The following TBC1D15 variants were observed in gnomAD, a reference collection of about 807,000 sequenced individuals.
TBC1D15 encodes TBC1 domain family member 15.
Under a neutral mutation model 95.4 loss-of-function variants are expected in TBC1D15, and 39 were observed. The observed-to-expected ratio is 0.41, with a 90% CI of 0.32 to 0.53. The LOEUF (loss-of-function observed/expected upper bound fraction) is 0.53, where lower values mean the gene tolerates loss of function less well. Among genes scored for constraint, TBC1D15 ranks in the 20% least tolerant of loss-of-function variants. The pLI, the probability that TBC1D15 is intolerant of heterozygous loss-of-function variation, is 0.29. For missense variants in TBC1D15, 733 were observed against 794.3 expected (o/e 0.92, Z 0.93); for synonymous variants, 258 against 261.3 (o/e 0.99, Z 0.12).
intron 1 of TBC1D15, among the ~76,000 whole-genome samples, chr12:71,843,912 C>A (rs1428515884): frequency 3.9e-5 from 6 of 152,186 alleles, no homozygotes; most frequent in African/African-American, 7.2e-5. Context: ...ATTGCCCTTA[C>A]AACCACCTGT....
At chr12:71,841,414 A>G (rs1421985511) in intron 1 of TBC1D15, among the ~76,000 whole-genome samples, 2 of 152,192 alleles carry the variant, frequency 1.3e-5, no homozygotes, top group East Asian at 1.9e-4. Context: ...ATCTATTGCC[A>G]TCACTCCACT....
intron 1 of TBC1D15, among the ~76,000 whole-genome samples, chr12:71,852,128 T>C (rs1481186455): frequency 6.6e-6 from 1 of 152,226 alleles, no homozygotes; most frequent in African/African-American, 2.4e-5. Context: ...ACCTGCAGGC[T>C]TAACATCATG....
At chr12:71,909,974 T>A (rs1015797398) in intron 11 of TBC1D15, among the ~76,000 whole-genome samples, 15 of 151,994 alleles carry the variant, frequency 9.9e-5, no homozygotes, top group Non-Finnish European at 4.4e-5. Flanking sequence ...ATAAAATAGC[T>A]TAGGGTTTTT....
At chr12:71,914,048 C>A (rs1339550684) in intron 12 of TBC1D15, 122 bp downstream of exon 12, 2 of 638,518 alleles carry the variant, frequency 3.1e-6, no homozygotes, top group Non-Finnish European at 5.1e-6. Flanking sequence ...TTACCTCATG[C>A]CTTTTGTTAC....
chr12:71,863,342 C>T (rs1440309106), intron 1 of TBC1D15, among the ~76,000 whole-genome samples: 2 of 152,048 alleles, frequency 1.3e-5, no homozygotes, highest in African/African-American at 2.4e-5. Flanking sequence ...TGTGCCACTG[C>T]ACTCCAGCCT....
chr12:71,840,959 AG>A (rs1443137162), intron 1 of TBC1D15: 1 of 152,092 alleles, frequency 6.6e-6, no homozygotes, highest in Non-Finnish European at 1.5e-5. Flanking sequence ...TGGAGTTGTT[AG>A]GGTTATATAA....
At chr12:71,855,346 G>A (rs1000106065) in intron 1 of TBC1D15, among the ~76,000 whole-genome samples, 2 of 152,014 alleles carry the variant, frequency 1.3e-5, no homozygotes, top group African/African-American at 2.4e-5. Flanking sequence ...GTAATTTTTA[G>A]CATTTTTGTT....
In TBC1D15 at chr12:71,907,114, T is replaced by A; in HGVS notation, c.1276T>A (p.Tyr426Asn). The A allele has an allele frequency of 6.2e-7, 1 of 1,602,774 alleles. No individual in the cohort carries two copies. Among genetic ancestry groups the A allele is most frequent in the Non-Finnish European group, 8.5e-7 (1 of 1,172,956 alleles). The change falls in exon 11 of 17, where the codon TAC (tyrosine) becomes AAC (asparagine). Residue 426 changes from tyrosine to asparagine, a missense_variant. Tyr to Asn is a moderately radical substitution (Grantham distance 143). Transcript: ENST00000485960. ...TTTACTTCATGACATTTTGATGACC[T>A]ACTGTATGTATGATTTTGATTTAGG... ...LILLHDILMT[Y>N]CMYDFDLGYV...
chr12:71,850,193 A>G (rs569500581), intron 1 of TBC1D15: 11 of 574,484 alleles, frequency 1.9e-5, no homozygotes, highest in South Asian at 7.1e-5. Flanking sequence ...TGAAATCTCA[A>G]ATCTCTGGCT....
chr12:71,902,576 G>C (rs920986831), intron 10 of TBC1D15, among the ~76,000 whole-genome samples: 1 of 152,060 alleles, frequency 6.6e-6, no homozygotes, highest in Non-Finnish European at 1.5e-5. Flanking sequence ...ACAAAAATCA[G>C]TCAAGATGGA....
intron 14 of TBC1D15, among the ~76,000 whole-genome samples, chr12:71,919,986 A>G (rs1396366296): frequency 6.6e-6 from 1 of 152,214 alleles, no homozygotes; most frequent in Non-Finnish European, 1.5e-5. Context: ...TAGTTTGAAA[A>G]TTATTCAACT....
At chr12:71,909,189 A>G (rs1218848361) in intron 11 of TBC1D15, among the ~76,000 whole-genome samples, 1 of 152,264 alleles carries the variant, frequency 6.6e-6, no homozygotes, top group African/African-American at 2.4e-5. Flanking sequence ...TACCTGAAAC[A>G]TAGTCAAGCT....
rs535423222 is a variant in TBC1D15 at position 71,895,255 on chromosome 12, T to C, written c.855+372T>C. On this transcript the variant is annotated intron_variant, in intron 7 of 16. Transcript: ENST00000485960. ...GTCAGGATACTACTTTTAGGGCTTTTATTCTCATGTAATACTTCCTTTTTT... is the reference window on the plus strand; with the variant it reads ...GTCAGGATACTACTTTTAGGGCTTTCATTCTCATGTAATACTTCCTTTTTT... Among the ~76,000 whole-genome samples the C allele has an allele frequency of 4.1e-4, 62 of 152,210 alleles. No individual in the cohort carries two copies. The South Asian group carries it at 0.012, about 30-fold the overall frequency.
intron 5 of TBC1D15, among the ~76,000 whole-genome samples, chr12:71,888,642 A>G (rs982266992): frequency 6.6e-6 from 1 of 152,156 alleles, no homozygotes; most frequent in Non-Finnish European, 1.5e-5. Flanking sequence ...GATGTGAATG[A>G]GAGCAGAATG....
chr12:71,907,329 C>G (rs1380334408), intron 11 of TBC1D15, 191 bp downstream of exon 11: 1 of 388,108 alleles, frequency 2.6e-6, no homozygotes, highest in Non-Finnish European at 4.6e-6. Flanking sequence ...AGCAAACTAA[C>G]AGGAGCACCA....
chr12:71,891,653 A>G (rs1385160947), intron 5 of TBC1D15, among the ~76,000 whole-genome samples: 2 of 152,028 alleles, frequency 1.3e-5, no homozygotes, highest in Admixed American at 6.6e-5. Context: ...TAATTTCTTC[A>G]TATCTTCCCT....
intron 1 of TBC1D15, among the ~76,000 whole-genome samples, chr12:71,867,720 C>T (rs1049878061): frequency 6.6e-6 from 1 of 152,314 alleles, no homozygotes; most frequent in East Asian, 1.9e-4. Context: ...AACTCCTGGG[C>T]TCAAGCAGTC....
chr12:71,844,371 A>C lies in TBC1D15; in HGVS notation c.30+4560A>C, dbSNP rs576028671. 4.0e-4 allele frequency among the ~76,000 whole-genome samples: 61 copies of C among 152,080 alleles called. 2 individuals carry two copies. The South Asian group carries it at 8.5e-3, about 21-fold the overall frequency. Reference sequence around the variant, plus strand: ...TTTGTTTCTAAACTATTTAGACTCTACTCTCTGGTATTTGGGTTTCAATCA... The same window carrying C: ...TTTGTTTCTAAACTATTTAGACTCTCCTCTCTGGTATTTGGGTTTCAATCA... On this transcript the variant is annotated intron_variant, in intron 1 of 16. Transcript: ENST00000485960.
intron 1 of TBC1D15, among the ~76,000 whole-genome samples, chr12:71,842,258 C>G (rs925647566): frequency 4.1e-4 from 62 of 152,208 alleles, no homozygotes; most frequent in African/African-American, 1.5e-3. Context: ...TGGTTAAGAG[C>G]TTGGTCTCTG....
Sources: allele counts gnomAD v4.1 joint callset (sites outside exome capture counted in the v4.1 genomes callset), GRCh38; gene constraint gnomAD v4.1.1; transcripts MANE v1.5; gene names NCBI Gene and HGNC (gene_info 2026-07-23, HGNC 2026-07-21).